The following TMEM233 variants were observed in gnomAD, a reference collection of about 807,000 sequenced individuals.
TMEM233 encodes transmembrane protein 233, also known as dispanin subfamily B member 2.
A neutral mutation model predicts 11.2 loss-of-function variants in TMEM233; 6 were observed. The ratio of observed to expected loss-of-function variants is 0.54; its 90% CI spans 0.29 to 1.06. The LOEUF is 1.06. TMEM233 is among the 50% of genes least tolerant of loss of function. The pLI, the probability that TMEM233 is intolerant of heterozygous loss-of-function variation, is 0.08. For synonymous variants in TMEM233, 59 were observed against 55.8 expected (o/e 1.06, Z -0.26); for missense variants, 127 against 144.7 (o/e 0.88, Z 0.63).
At chr12:119,639,605 G>C (rs1040048258) in intron 2 of TMEM233, among the ~76,000 whole-genome samples, 1 of 151,780 alleles carries the variant, frequency 6.6e-6, no homozygotes, top group Non-Finnish European at 1.5e-5. Flanking sequence ...CTGGGCAACA[G>C]AGCGAGACTC....
chr12:119,639,716 T>C (rs542103374), intron 2 of TMEM233, among the ~76,000 whole-genome samples: 1 of 152,278 alleles, frequency 6.6e-6, no homozygotes, highest in South Asian at 2.1e-4. Context: ...TGTGTGCCCT[T>C]GGGTATATCT....
At chr12:119,632,479 G>A (rs184655481) in intron 2 of TMEM233, among the ~76,000 whole-genome samples, 43 of 152,272 alleles carry the variant, frequency 2.8e-4, no homozygotes, top group African/African-American at 9.9e-4. Context: ...ATTGATTTAC[G>A]GGGGAATGGT....
intron 2 of TMEM233, chr12:119,631,284 C>G (rs949355720): frequency 2.6e-5 from 4 of 153,606 alleles, no homozygotes; most frequent in African/African-American, 9.7e-5. Context: ...GGAGGCTCAC[C>G]CAGATGGGTG....
At chr12:119,611,689 G>C (rs543647179) in intron 1 of TMEM233, among the ~76,000 whole-genome samples, 15 of 152,000 alleles carry the variant, frequency 9.9e-5, no homozygotes, top group African/African-American at 3.1e-4. Flanking sequence ...ATGTATCCCA[G>C]AGTTTTTCAC....
chr12:119,613,768 T>C (rs112725755), intron 1 of TMEM233, among the ~76,000 whole-genome samples: 21 of 152,044 alleles, frequency 1.4e-4, no homozygotes, highest in African/African-American at 5.1e-4. Context: ...TGAGCTATGA[T>C]TGCACCACTG....
rs757010705 is a variant in TMEM233, at chr12:119,629,788, G to T, written c.239G>T (p.Arg80Leu). The T allele has an allele frequency of 6.4e-7, 1 of 1,551,620 alleles. No individual in the cohort carries two copies. Among genetic ancestry groups the T allele is most frequent in the East Asian group, 2.4e-5 (1 of 40,910 alleles). The change falls in exon 2 of 3, where the codon CGG (arginine) becomes CTG (leucine). Residue 80 changes from arginine (R) to leucine (L), a missense_variant. Physicochemically the swap from Arg to Leu is moderately radical, Grantham distance 102. Transcript: ENST00000426426. ...GDYEGARRLG[R>L]NAKWVAIASI... ...TACGAAGGAGCCAGGCGGCTTGGGC[G>T]GAATGCTAAGTGGGTAGCCATCGCC...
chr12:119,630,614 A>C (rs1395552417), intron 2 of TMEM233, among the ~76,000 whole-genome samples: 1 of 152,218 alleles, frequency 6.6e-6, no homozygotes, highest in Non-Finnish European at 1.5e-5. Context: ...TAGTTTGCCA[A>C]CTTCAGATCT....
Position 119,615,173 on chromosome 12 carries a change from TAA to T in TMEM233, c.187-14531_187-14530del, listed in dbSNP as rs60318959. Among the ~76,000 whole-genome samples the T allele has an allele frequency of 2.5e-4, 14 of 56,194 alleles. No individual in the cohort carries two copies. The South Asian group carries it at 3.5e-3, about 14-fold the overall frequency. The allele number at this position is 56,194 out of a possible 152,430, so 36.9% of individuals were successfully genotyped here. A position where few individuals can be genotyped will look rare whatever the true frequency, so the allele number is the denominator to read the frequency against. On this transcript the variant is annotated intron_variant, in intron 1 of 2. Transcript: ENST00000426426. ...AGGTCTCAGTCTACCCGCTTTCTGC[TAA>T]AAAAAAAAAAAAAAAAAAAAAAAAA...
At chr12:119,626,603 GAAA>G in intron 1 of TMEM233, among the ~76,000 whole-genome samples, 1 of 127,418 alleles carries the variant, frequency 7.8e-6, no homozygotes, top group South Asian at 2.6e-4. Context: ...AGAGAAAAAA[GAAA>G]AGAAAAGAAA....
chr12:119,604,505 G>A (rs936273970), intron 1 of TMEM233, among the ~76,000 whole-genome samples: 2 of 152,184 alleles, frequency 1.3e-5, no homozygotes, highest in Non-Finnish European at 2.9e-5. Context: ...TCACTTTAAT[G>A]AGTACAGCTG....
intron 2 of TMEM233, among the ~76,000 whole-genome samples, chr12:119,637,083 C>T (rs973031218): frequency 1.3e-5 from 2 of 152,210 alleles, no homozygotes; most frequent in South Asian, 2.1e-4. Flanking sequence ...CATCCCCATC[C>T]GTGCTCATGA....
intron 1 of TMEM233, among the ~76,000 whole-genome samples, chr12:119,624,728 G>A (rs1241062567): frequency 1.3e-5 from 2 of 152,062 alleles, no homozygotes; most frequent in Non-Finnish European, 2.9e-5. Flanking sequence ...AGTTTCCATT[G>A]GGGAAGATGA....
At chr12:119,648,903 C>T in the TMEM233 span, among the ~76,000 whole-genome samples, 311 of 152,292 alleles carry the variant, frequency 2.0e-3, 4 homozygotes, top group African/African-American at 7.0e-3. Flanking sequence ...AAGGTATTGG[C>T]TGTAAATCCT....
chr12:119,615,658 T>C (rs1445905493), intron 1 of TMEM233, among the ~76,000 whole-genome samples: 3 of 152,328 alleles, frequency 2.0e-5, no homozygotes, highest in Non-Finnish European at 4.4e-5. Flanking sequence ...CCATAGGTAC[T>C]GCTGTCTCAT....
At position 119,629,923 on chromosome 12, in the gene TMEM233, G is replaced by A. The variant is rs894043588; in HGVS notation, c.323+51G>A. 3.9e-5 allele frequency: 60 copies of A among 1,520,156 alleles called. No individual in the cohort carries two copies. The East Asian group carries it at 9.1e-4, about 23-fold the overall frequency. 94.2% of individuals were successfully genotyped at this position (1,520,156 alleles called of 1,614,324 possible). A position where few individuals can be genotyped will look rare whatever the true frequency, so the allele number is the denominator to read the frequency against. ...CCATGTCAAACGCCCTTTCTCGAACGCCCGTTGGAATCTGTTAGGGTAGAT... is the reference window on the plus strand; with the variant it reads ...CCATGTCAAACGCCCTTTCTCGAACACCCGTTGGAATCTGTTAGGGTAGAT... On this transcript the variant is annotated intron_variant, in intron 2 of 2. Coordinates refer to ENST00000426426, the MANE Select transcript of TMEM233 (RefSeq NM_001136534.3).
In TMEM233 at chr12:119,594,146, C is replaced by A. The variant is rs1185516493; in HGVS notation, c.186+112C>A. 6.3e-6 allele frequency: 7 copies of A among 1,110,828 alleles called. No homozygotes were observed. Among genetic ancestry groups the A allele is most frequent in the Non-Finnish European group, 8.9e-6 (7 of 784,938 alleles). The allele number at this position is 1,110,828 out of a possible 1,614,324, so 68.8% of individuals were successfully genotyped here. ...GCTCCCTTCCTCACGGCCCGGCCCG[C>A]GCTAGGTGTTCTTTGTCCTCGCACC... is the stretch of plus-strand genomic sequence containing the variant. On this transcript the variant is annotated intron_variant, in intron 1 of 2. Coordinates refer to ENST00000426426, the MANE Select transcript of TMEM233 (RefSeq NM_001136534.3). The surrounding 1 kb of genome is among the most constrained non-coding windows in gnomAD (Gnocchi z 5.6).
chr12:119,650,666 G>A, the TMEM233 span, among the ~76,000 whole-genome samples: 34 of 150,278 alleles, frequency 2.3e-4, no homozygotes, highest in African/African-American at 7.1e-4. Flanking sequence ...TTTTTGAGAC[G>A]GAGTCTCGCT....
chr12:119,653,635 T>G, the TMEM233 span, among the ~76,000 whole-genome samples: 1 of 151,870 alleles, frequency 6.6e-6, no homozygotes, highest in African/African-American at 2.4e-5. Flanking sequence ...AAAAATTTTT[T>G]AAAAACCCCT....
Position 119,642,076 on chromosome 12 carries a change from A to G in TMEM233, c.*1371A>G, listed in dbSNP as rs1302060318. Reference sequence around the variant, plus strand: ...AGAGAACTCAAGAAAATATCAAGTAATTAACACACCAGATAAGTATATGTG... The same window carrying G: ...AGAGAACTCAAGAAAATATCAAGTAGTTAACACACCAGATAAGTATATGTG... On this transcript the variant is annotated 3_prime_UTR_variant, in exon 3 of 3. Coordinates refer to ENST00000426426, the MANE Select transcript of TMEM233 (RefSeq NM_001136534.3). The G allele has an allele frequency of 6.6e-6, 1 of 152,260 alleles. No homozygotes were observed. The highest frequency in any genetic ancestry group is 1.5e-5 in the Non-Finnish European group (1 of 68,046). The allele number at this position is 152,260 out of a possible 1,614,324, so 9.4% of individuals were successfully genotyped here. A position where few individuals can be genotyped will look rare whatever the true frequency, so the allele number is the denominator to read the frequency against.
Sources: allele counts gnomAD v4.1 joint callset (sites outside exome capture counted in the v4.1 genomes callset), GRCh38; gene constraint gnomAD v4.1.1; non-coding constraint Gnocchi (gnomAD v3.1); transcripts MANE v1.5; gene names NCBI Gene and HGNC (gene_info 2026-07-23, HGNC 2026-07-21).